Variants in QTMAN observed in about 807,000 individuals in gnomAD.
QTMAN encodes the protein tRNA-queuosine alpha-mannosyltransferase.
the QTMAN span, among the ~76,000 whole-genome samples, chr2:144,300,252 T>G: frequency 6.6e-6 from 1 of 152,168 alleles, no homozygotes; most frequent in Non-Finnish European, 1.5e-5. Flanking sequence ...ATGGTAAAAA[T>G]AGTAAATTTT....
At chr2:144,034,309 T>G in the QTMAN span, among the ~76,000 whole-genome samples, 1 of 152,220 alleles carries the variant, frequency 6.6e-6, no homozygotes, top group Non-Finnish European at 1.5e-5. Flanking sequence ...AGCTAGGTGT[T>G]TCATCCATGT....
chr2:144,040,029 C>T, the QTMAN span, among the ~76,000 whole-genome samples: 1 of 152,172 alleles, frequency 6.6e-6, no homozygotes, highest in African/African-American at 2.4e-5. Flanking sequence ...GCTATGTATT[C>T]TCAGTTTTTA....
the QTMAN span, among the ~76,000 whole-genome samples, chr2:144,120,370 C>A: frequency 6.6e-6 from 1 of 152,182 alleles, no homozygotes; most frequent in Non-Finnish European, 1.5e-5. Context: ...TTACTCTAAA[C>A]TCCCTCACCT....
the QTMAN span, among the ~76,000 whole-genome samples, chr2:143,978,870 A>T: frequency 8.0e-4 from 122 of 152,330 alleles, 1 homozygote; most frequent in Admixed American, 1.1e-3. Flanking sequence ...TTTTCCTCCA[A>T]GAAACATGTA....
At chr2:144,292,232 A>G in the QTMAN span, among the ~76,000 whole-genome samples, 1 of 152,212 alleles carries the variant, frequency 6.6e-6, no homozygotes, top group Non-Finnish European at 1.5e-5. Context: ...GGGACAGTCC[A>G]GTCTAATCAC....
the QTMAN span, among the ~76,000 whole-genome samples, chr2:144,299,968 A>G: frequency 9.2e-5 from 14 of 152,402 alleles, no homozygotes; most frequent in South Asian, 1.4e-3. Flanking sequence ...ATGCTACAAC[A>G]TGAATGAACC....
the QTMAN span, among the ~76,000 whole-genome samples, chr2:144,269,409 C>T: frequency 6.6e-6 from 1 of 151,972 alleles, no homozygotes; most frequent in Non-Finnish European, 1.5e-5. Context: ...AAACTTTTGT[C>T]CTAATTTCAC....
At chr2:144,066,104 C>T in the QTMAN span, among the ~76,000 whole-genome samples, 1 of 152,052 alleles carries the variant, frequency 6.6e-6, no homozygotes, top group African/African-American at 2.4e-5. Context: ...TTGTAGACTC[C>T]TTTCAAGGTT....
At chr2:144,073,582 G>A in the QTMAN span, among the ~76,000 whole-genome samples, 1 of 152,090 alleles carries the variant, frequency 6.6e-6, no homozygotes, top group South Asian at 2.1e-4. Flanking sequence ...ACATGAGTGG[G>A]CAGGAGAAAG....
the QTMAN span, among the ~76,000 whole-genome samples, chr2:144,192,681 G>T: frequency 0.14 from 20,992 of 152,188 alleles, 2,196 homozygotes; most frequent in African/African-American, 0.29. Context: ...TACCTACTAA[G>T]ACAATGCTTT....
chr2:144,240,764 G>T, the QTMAN span, among the ~76,000 whole-genome samples: 585 of 152,292 alleles, frequency 3.8e-3, 3 homozygotes, highest in African/African-American at 0.014. Context: ...AACAGTAAAA[G>T]GATTCTAGGC....
At chr2:144,297,573 C>T in the QTMAN span, among the ~76,000 whole-genome samples, 1 of 149,030 alleles carries the variant, frequency 6.7e-6, no homozygotes, top group South Asian at 2.1e-4. Context: ...GAGCAGGATT[C>T]CGTCTTTTTT....
chr2:144,052,573 C>A, the QTMAN span, among the ~76,000 whole-genome samples: 1 of 152,204 alleles, frequency 6.6e-6, no homozygotes, highest in African/African-American at 2.4e-5. Flanking sequence ...TCACCTAAAG[C>A]CACATAGCTA....
chr2:143,945,640 G>A, the QTMAN span: 1 of 152,136 alleles, frequency 6.6e-6, no homozygotes, highest in Admixed American at 6.5e-5. Flanking sequence ...TGCCTGCTAG[G>A]CCACTCGATC....
At chr2:144,124,441 T>A in the QTMAN span, among the ~76,000 whole-genome samples, 1 of 152,164 alleles carries the variant, frequency 6.6e-6, no homozygotes, top group African/African-American at 2.4e-5. Context: ...GTACCTCGCT[T>A]ATAAACTTAT....
chr2:144,258,162 A>G, the QTMAN span, among the ~76,000 whole-genome samples: 1 of 151,936 alleles, frequency 6.6e-6, no homozygotes, highest in Non-Finnish European at 1.5e-5. Context: ...ACAAAGATAT[A>G]TAAGAGATAA....
the QTMAN span, among the ~76,000 whole-genome samples, chr2:144,328,669 A>G: frequency 6.6e-6 from 1 of 152,232 alleles, no homozygotes; most frequent in Non-Finnish European, 1.5e-5. Context: ...TAGGACTGAC[A>G]TCAGAACCAG....
At chr2:144,031,934 C>T in the QTMAN span, among the ~76,000 whole-genome samples, 1 of 152,002 alleles carries the variant, frequency 6.6e-6, no homozygotes, top group Non-Finnish European at 1.5e-5. Context: ...TGGCTAAAAA[C>T]ATTAGCGCCG....
the QTMAN span, among the ~76,000 whole-genome samples, chr2:144,290,168 C>G: frequency 2.0e-5 from 3 of 151,900 alleles, no homozygotes; most frequent in South Asian, 2.1e-4. Flanking sequence ...CAGAGTCACT[C>G]TGAACCTATT....
Sources: gnomAD v4.1 joint callset for allele counts (sites outside exome capture counted in the v4.1 genomes callset) on GRCh38, gnomAD v4.1.1 for gene constraint, MANE v1.5 for transcripts, NCBI Gene and HGNC (gene_info 2026-07-23, HGNC 2026-07-21) for gene names.